Variants in SOS2 observed in about 807,000 individuals in gnomAD.
SOS2 encodes SOS Ras/Rho guanine nucleotide exchange factor 2.
SOS2 carries 65 observed loss-of-function variants against 148.2 expected under a neutral mutation model. The observed-to-expected ratio is 0.44, with a 90% CI of 0.36 to 0.54. SOS2 has a LOEUF of 0.54. SOS2 is among the 20% of genes least tolerant of loss of function. SOS2 has a pLI of 0.00. For synonymous variants in SOS2, 539 were observed against 537.1 expected, an observed-to-expected ratio of 1.00 and a Z score of -0.05; for missense variants, 1,341 against 1,590.2, an observed-to-expected ratio of 0.84 and a Z score of 2.67.
intron 21 of SOS2, among the ~76,000 whole-genome samples, chr14:50,128,280 G>C (rs1883747969): frequency 6.6e-6 from 1 of 152,032 alleles, no homozygotes; most frequent in Non-Finnish European, 1.5e-5. Flanking sequence ...CACCAGGAAG[G>C]AAGATTCTAG....
chr14:50,158,838 G>A (rs913060895), intron 10 of SOS2, among the ~76,000 whole-genome samples, 192 bp from the exon 11 acceptor site: 2 of 152,076 alleles, frequency 1.3e-5, no homozygotes, highest in Non-Finnish European at 2.9e-5. Context: ...TACTGACATA[G>A]AGAATATACT....
At chr14:50,139,639 A>T (rs538749148) in intron 17 of SOS2, among the ~76,000 whole-genome samples, 15 of 152,216 alleles carry the variant, frequency 9.9e-5, no homozygotes, top group Non-Finnish European at 1.8e-4. Flanking sequence ...GAAAGCAAAC[A>T]CTGTAGATGT....
At chr14:50,224,304 AAT>A (rs869147303) in intron 1 of SOS2, among the ~76,000 whole-genome samples, 44 of 62,692 alleles carry the variant, frequency 7.0e-4, no homozygotes, top group South Asian at 3.3e-3. Flanking sequence ...AAAAAAAAAA[AAT>A]ATATATATAC....
chr14:50,219,414 GAA>G (rs1197250479), intron 1 of SOS2, among the ~76,000 whole-genome samples: 1 of 151,584 alleles, frequency 6.6e-6, no homozygotes, highest in Non-Finnish European at 1.5e-5. Context: ...AAGCCAGATT[GAA>G]AAAAAAGAGT....
intron 2 of SOS2, among the ~76,000 whole-genome samples, chr14:50,203,628 A>AT (rs1172712876): frequency 6.6e-6 from 1 of 151,820 alleles, no homozygotes; most frequent in Non-Finnish European, 1.5e-5. Flanking sequence ...ATACATATAC[A>AT]TTTTTTTAAA....
intron 5 of SOS2, among the ~76,000 whole-genome samples, chr14:50,188,102 T>C (rs1885981068): frequency 6.6e-6 from 1 of 152,208 alleles, no homozygotes; most frequent in Non-Finnish European, 1.5e-5. Flanking sequence ...TCATAAAGTA[T>C]TTAAAGTTAC....
chr14:50,159,719 T>C lies in SOS2; in HGVS notation c.1564A>G (p.Ile522Val), dbSNP rs745316492. The C allele has an allele frequency of 5.0e-6, 8 of 1,614,156 alleles. No homozygotes were observed. The highest frequency in any genetic ancestry group is 1.7e-5 in the Admixed American group (1 of 60,026). Reference protein sequence around the residue: ...FELVSKDENSIIFAAKSAEEK... With the variant: ...FELVSKDENSVIFAAKSAEEK... ...TCAGCAGACTTAGCAGCAAATATTA[T>C]GCTGTTCTCATCTTTGGATACTAAT... Residue 522 changes from isoleucine (I) to valine (V), a missense_variant, in exon 10 of 23, where the codon ATA (isoleucine) becomes GTA (valine). Ile to Val is a conservative substitution (Grantham distance 29). This residue lies in a region of SOS2 where 574 missense variants were observed against 711.1 expected (regional missense o/e 0.81). Transcript: ENST00000216373.
At chr14:50,221,407 A>G (rs1328178936) in intron 1 of SOS2, among the ~76,000 whole-genome samples, 2 of 152,242 alleles carry the variant, frequency 1.3e-5, no homozygotes, top group East Asian at 1.9e-4. Flanking sequence ...GTGCCTGCAC[A>G]CAGTGAGTAA....
chr14:50,199,665 A>T, intron 4 of SOS2, 26 bp downstream of exon 4: 1 of 1,449,070 alleles, frequency 6.9e-7, no homozygotes, highest in Non-Finnish European at 9.4e-7. Context: ...TATTCAAGTT[A>T]AATTTAAATA....
chr14:50,219,290 T>C (rs1887131007), intron 1 of SOS2, among the ~76,000 whole-genome samples: 1 of 151,938 alleles, frequency 6.6e-6, no homozygotes, highest in East Asian at 1.9e-4. Context: ...CATAAATAAG[T>C]GAATGGATAA....
intron 21 of SOS2, among the ~76,000 whole-genome samples, chr14:50,127,097 T>TA (rs1283624441): frequency 6.6e-6 from 1 of 151,862 alleles, no homozygotes; most frequent in African/African-American, 2.4e-5. Flanking sequence ...GCTACCTAGT[T>TA]AGAGACGTTT....
chr14:50,179,900 AG>A (rs1014462825), intron 7 of SOS2, among the ~76,000 whole-genome samples: 63 of 152,282 alleles, frequency 4.1e-4, no homozygotes, highest in African/African-American at 1.4e-3. Context: ...ATGAGTACAT[AG>A]GAGGTTGAGG....
intron 2 of SOS2, among the ~76,000 whole-genome samples, chr14:50,203,796 T>G (rs1886578002): frequency 6.6e-6 from 1 of 151,768 alleles, no homozygotes; most frequent in African/African-American, 2.4e-5. Context: ...GAACATTTTT[T>G]TTTTGTTTTT....
intron 7 of SOS2, 106 bp from the exon 8 acceptor site, chr14:50,174,658 C>A: frequency 3.9e-6 from 2 of 508,846 alleles, no homozygotes; most frequent in South Asian, 4.1e-5. Context: ...ACAGACTTAT[C>A]AAAACTACAA....
At chr14:50,149,317 T>TA (rs1884589450) in intron 14 of SOS2, among the ~76,000 whole-genome samples, 1 of 151,852 alleles carries the variant, frequency 6.6e-6, no homozygotes, top group African/African-American at 2.4e-5. Flanking sequence ...TATTCGGCCA[T>TA]AAAAAAAGAA....
intron 4 of SOS2, among the ~76,000 whole-genome samples, chr14:50,199,159 C>A (rs1399434882): frequency 6.6e-6 from 1 of 151,914 alleles, no homozygotes; most frequent in African/African-American, 2.4e-5. Context: ...TCTCAAATAA[C>A]AGGAAGAAGA....
At chr14:50,220,884 G>T (rs1294952795) in intron 1 of SOS2, among the ~76,000 whole-genome samples, 2 of 152,068 alleles carry the variant, frequency 1.3e-5, no homozygotes, top group South Asian at 2.1e-4. Context: ...TCCCATAAAG[G>T]CAGGTCATTT....
chr14:50,131,921 C>G lies in SOS2; in HGVS notation c.3076-1159G>C, dbSNP rs530770458. On this transcript the variant is annotated intron_variant, in intron 19 of 22. Transcript: ENST00000216373. ...TATGATTAACAACAGAAATGATAGCCAACACCACAGATATCTCAACTGGTT... is the reference window on the plus strand; with the variant it reads ...TATGATTAACAACAGAAATGATAGCGAACACCACAGATATCTCAACTGGTT... 8.5e-5 allele frequency among the ~76,000 whole-genome samples: 13 copies of G among 152,170 alleles called. No homozygotes were observed. The East Asian group carries it at 2.3e-3, about 27-fold the overall frequency.
intron 14 of SOS2, among the ~76,000 whole-genome samples, chr14:50,147,700 T>C (rs1176622440): frequency 1.3e-5 from 2 of 152,236 alleles, no homozygotes; most frequent in Non-Finnish European, 2.9e-5. Flanking sequence ...CAATTTTATC[T>C]AAAATGTTTT....
Sources: allele counts gnomAD v4.1 joint callset (sites outside exome capture counted in the v4.1 genomes callset), GRCh38; gene constraint gnomAD v4.1.1; regional missense constraint gnomAD v4.1.1; transcripts MANE v1.5; gene names NCBI Gene and HGNC (gene_info 2026-07-23, HGNC 2026-07-21).